SPINK2: variants seen among roughly 807,000 people sequenced by gnomAD.
SPINK2 encodes serine protease inhibitor Kazal-type 2.
In SPINK2, 8 loss-of-function variants were observed where a neutral mutation model predicts 13.5. That is an observed-to-expected ratio of 0.59 (90% confidence interval 0.35 to 1.07). The LOEUF is 1.07. SPINK2 is among the 50% of genes least tolerant of loss of function. The pLI, the probability that SPINK2 is intolerant of heterozygous loss-of-function variation, is 0.02. For synonymous variants in SPINK2, 76 were observed against 74.7 expected, an observed-to-expected ratio of 1.02 and a Z score of -0.09; for missense variants, 148 against 180.3, an observed-to-expected ratio of 0.82 and a Z score of 1.03.
chr4:56,816,658 A>T (rs1717473994), intron 2 of SPINK2: 1 of 149,498 alleles, frequency 6.7e-6, no homozygotes, highest in Non-Finnish European at 1.5e-5. Flanking sequence ...TCTCAAAATA[A>T]ATAAATAAAA....
intron 2 of SPINK2, among the ~76,000 whole-genome samples, chr4:56,818,876 A>T (rs1167620601): frequency 1.3e-5 from 2 of 152,208 alleles, no homozygotes; most frequent in African/African-American, 4.8e-5. Context: ...GAGATGCTGA[A>T]GACTGAGCAA....
At chr4:56,811,191 C>T (rs1716945080) in intron 3 of SPINK2, among the ~76,000 whole-genome samples, 1 of 152,182 alleles carries the variant, frequency 6.6e-6, no homozygotes, top group Non-Finnish European at 1.5e-5. Flanking sequence ...CATTGTTTAA[C>T]TTGACCTGAA....
intron 2 of SPINK2, chr4:56,818,176 GA>G (rs1560416887): frequency 1.3e-5 from 2 of 152,168 alleles, no homozygotes; most frequent in African/African-American, 4.8e-5. Context: ...AAATAAGGAA[GA>G]AAAACCAAAG....
intron 1 of SPINK2, 135 bp from the exon 2 acceptor site, chr4:56,820,714 T>C: frequency 1.5e-6 from 1 of 665,494 alleles, no homozygotes; most frequent in Non-Finnish European, 2.6e-6. Context: ...TAAGCGATCT[T>C]CCTGCCTAGG....
intron 1 of SPINK2, 25 bp downstream of exon 1, chr4:56,821,433 C>CA: frequency 6.7e-7 from 1 of 1,491,826 alleles, no homozygotes; most frequent in East Asian, 2.6e-5. Context: ...GCCACCCCCA[C>CA]AACCCCCAGT....
intron 2 of SPINK2, among the ~76,000 whole-genome samples, chr4:56,812,724 A>T (rs558724245): frequency 6.6e-6 from 1 of 152,186 alleles, no homozygotes; most frequent in African/African-American, 2.4e-5. Flanking sequence ...ATTAAATTCC[A>T]CCTTAATCCC....
upstream of SPINK2, chr4:56,821,814 G>A: frequency 1.2e-6 from 1 of 813,962 alleles, no homozygotes; most frequent in Non-Finnish European, 1.8e-6. Flanking sequence ...AAGAGGGGCG[G>A]CGGGAAGAGG....
Position 56,821,512 on chromosome 4 carries a change from G to GGCCGCCCGGAGCAGGGCAGGGTCC in SPINK2, c.127_150dup (p.Gly43_Gly50dup). 6.5e-7 allele frequency: 1 copy of GGCCGCCCGGAGCAGGGCAGGGTCC among 1,541,402 alleles called. No homozygotes were observed. Among genetic ancestry groups the GGCCGCCCGGAGCAGGGCAGGGTCC allele is most frequent in the Non-Finnish European group, 8.7e-7 (1 of 1,145,866 alleles). ...ACGGGCGCGCGGGTACCGTCGCCGA[G>GGCCGCCCGGAGCAGGGCAGGGTCC]GCCGCCCGGAGCAGGGCAGGGTCCG... On this transcript the variant is annotated inframe_insertion, in exon 1 of 4. Coordinates refer to ENST00000506738, the MANE Select transcript of SPINK2 (RefSeq NM_001271718.2).
At chr4:56,811,615 AAAAAAAAAAAGAAG>A in intron 3 of SPINK2, 56 bp downstream of exon 3, 5 of 452,598 alleles carry the variant, frequency 1.1e-5, no homozygotes, top group South Asian at 4.1e-5. Flanking sequence ...AGACTCTGTC[AAAAAAAAAAAGAAG>A]AAAAAAAAAG....
At chr4:56,821,421 A>G in intron 1 of SPINK2, 37 bp downstream of exon 1, 3 of 1,477,930 alleles carry the variant, frequency 2.0e-6, no homozygotes, top group Non-Finnish European at 2.7e-6. Context: ...TGACTCCACA[A>G]AGCCACCCCC....
At chr4:56,820,492 C>T (rs747189131) in intron 2 of SPINK2, 44 bp downstream of exon 2, 2 of 1,541,306 alleles carry the variant, frequency 1.3e-6, no homozygotes, top group Non-Finnish European at 1.8e-6. Flanking sequence ...CGGTTTTGGG[C>T]TTCACTGTAT....
At chr4:56,816,595 T>C (rs1476676124) in intron 2 of SPINK2, 1 of 149,330 alleles carries the variant, frequency 6.7e-6, no homozygotes, top group African/African-American at 2.5e-5. Flanking sequence ...GAAGTTGCAG[T>C]GAGCCGAGAT....
Position 56,811,691 on chromosome 4 carries a change from T to C in SPINK2, c.353A>G (p.Lys118Arg). 6.2e-7 allele frequency: 1 copy of C among 1,602,656 alleles called. No individual in the cohort carries two copies. Among genetic ancestry groups the C allele is most frequent in the East Asian group, 2.2e-5 (1 of 44,584 alleles). Reference protein sequence around the residue: ...TYANECTLCMKIREGGHNIKI... With the variant: ...TYANECTLCMRIREGGHNIKI... ...AGCTGTAAAATCATGTTACCTGATTTTCATGCACAGAGTACATTCATTGGC... is the reference window on the plus strand; with the variant it reads ...AGCTGTAAAATCATGTTACCTGATTCTCATGCACAGAGTACATTCATTGGC... Residue 118 changes from lysine (K) to arginine (R), a missense_variant, in exon 3 of 4, where the codon AAA becomes AGA. Physicochemically the swap from Lys to Arg is conservative, Grantham distance 26. Transcript: ENST00000506738.
chr4:56,816,693 A>C (rs1717477128), intron 2 of SPINK2: 1 of 147,164 alleles, frequency 6.8e-6, no homozygotes, highest in Admixed American at 6.9e-5. Context: ...CTATATATCT[A>C]TATATAGATA....
At chr4:56,819,368 C>G (rs1445086875) in intron 2 of SPINK2, among the ~76,000 whole-genome samples, 1 of 152,304 alleles carries the variant, frequency 6.6e-6, no homozygotes, top group East Asian at 1.9e-4. Flanking sequence ...CTTACAACAT[C>G]ATTGTGAGAA....
intron 3 of SPINK2, among the ~76,000 whole-genome samples, chr4:56,811,444 C>A (rs1383972800): frequency 6.6e-6 from 1 of 152,034 alleles, no homozygotes; most frequent in East Asian, 1.9e-4. Context: ...CATGGTGAAA[C>A]CCTGTCTCTA....
intron 2 of SPINK2, among the ~76,000 whole-genome samples, chr4:56,817,985 G>A (rs1195569277): frequency 6.6e-6 from 1 of 152,190 alleles, no homozygotes; most frequent in Non-Finnish European, 1.5e-5. Context: ...AGAAGTCCTT[G>A]AAGATTTTGC....
upstream of SPINK2, chr4:56,821,864 C>A (rs114376502): frequency 5.9e-3 from 2,191 of 370,530 alleles, 52 homozygotes; most frequent in African/African-American, 0.057. Flanking sequence ...GGGGGAGAAC[C>A]GGAAAGGGCT....
chr4:56,812,351 T>C (rs1190480070), intron 2 of SPINK2, among the ~76,000 whole-genome samples: 3 of 151,054 alleles, frequency 2.0e-5, no homozygotes, highest in Non-Finnish European at 3.0e-5. Flanking sequence ...GACTGGGAGT[T>C]CGAGACCAGT....
Sources: allele counts gnomAD v4.1 joint callset (sites outside exome capture counted in the v4.1 genomes callset), GRCh38; gene constraint gnomAD v4.1.1; transcripts MANE v1.5; gene names NCBI Gene and HGNC (gene_info 2026-07-23, HGNC 2026-07-21).